The following PTPRJ variants were observed in gnomAD, a reference collection of about 807,000 sequenced individuals.
PTPRJ encodes receptor-type tyrosine-protein phosphatase eta.
Under a neutral mutation model 141.3 loss-of-function variants are expected in PTPRJ, and 129 were observed. The ratio of observed to expected loss-of-function variants is 0.91; its 90% confidence interval spans 0.79 to 1.06. PTPRJ has a LOEUF of 1.06. Among genes scored for constraint, PTPRJ ranks in the 50% least tolerant of loss-of-function variants. PTPRJ has a pLI of 0.00. For synonymous variants in PTPRJ, 610 were observed against 640.5 expected (o/e 0.95, Z 0.72); for missense variants, 1,601 against 1,679.7 (o/e 0.95, Z 0.82).
At chr11:48,025,372 A>G (rs1853779506) in intron 1 of PTPRJ, among the ~76,000 whole-genome samples, 1 of 152,134 alleles carries the variant, frequency 6.6e-6, no homozygotes, top group Non-Finnish European at 1.5e-5. Context: ...GATGTCCCCT[A>G]ATTTTTAAAA....
intron 1 of PTPRJ, among the ~76,000 whole-genome samples, chr11:48,013,377 C>A (rs886366517): frequency 2.6e-5 from 4 of 152,146 alleles, no homozygotes; most frequent in African/African-American, 9.7e-5. Flanking sequence ...TCTATCAGAA[C>A]CCAGTTCCTG....
intron 1 of PTPRJ, among the ~76,000 whole-genome samples, chr11:47,987,200 C>T (rs921221300): frequency 6.6e-6 from 1 of 151,606 alleles, no homozygotes; most frequent in African/African-American, 2.4e-5. Context: ...CAGAGTGAGA[C>T]CCTGTCTCAA....
intron 1 of PTPRJ, among the ~76,000 whole-genome samples, chr11:48,038,732 C>T (rs1327999446): frequency 6.6e-6 from 1 of 151,244 alleles, no homozygotes; most frequent in East Asian, 2.0e-4. Flanking sequence ...CCTCGTGATC[C>T]ACCCACCTTG....
chr11:48,139,624 A>G lies in PTPRJ; in HGVS notation c.2291A>G (p.His764Arg). The G allele has an allele frequency of 1.2e-6, 2 of 1,614,242 alleles. No homozygotes were observed. The highest frequency in any genetic ancestry group is 1.7e-6 in the Non-Finnish European group (2 of 1,180,038). ...AGTGGAGCCTGGAACAATGCGACCC[A>G]CCTGGAGAGCTGCTCCTCTGAGAAT... ...VSSGAWNNAT[H>R]LESCSSENGT... is the part of the protein sequence containing the mutation. Residue 764 changes from histidine to arginine, a missense_variant, in exon 11 of 25, where the codon CAC becomes CGC. Transcript: ENST00000418331.
intron 14 of PTPRJ, among the ~76,000 whole-genome samples, chr11:48,146,606 C>G (rs1469526851): frequency 1.2e-4 from 18 of 152,146 alleles, no homozygotes; most frequent in Admixed American, 3.9e-4. Flanking sequence ...AGGAGACAGA[C>G]CTGGAGAGGA....
intron 1 of PTPRJ, among the ~76,000 whole-genome samples, chr11:48,021,380 T>TAAATAAATAAATAAATAAATAAATA (rs1565261524): frequency 1.1e-4 from 5 of 44,814 alleles, no homozygotes; most frequent in Non-Finnish European, 3.2e-4. Flanking sequence ...GTCCCTAAAA[T>TAAATAAATAAATAAATAAATAAATA]AAATAAATAA....
In PTPRJ at chr11:48,112,779, A is replaced by C. The variant is rs1271535091; in HGVS notation, c.148A>C (p.Thr50Pro). The C allele has an allele frequency of 1.3e-5, 21 of 1,614,012 alleles. No individual in the cohort carries two copies. Among genetic ancestry groups the C allele is most frequent in the Non-Finnish European group, 1.8e-5 (21 of 1,179,972 alleles). The change falls in exon 3 of 25, where the codon ACT (threonine) becomes CCT (proline). Residue 50 changes from threonine (T) to proline (P), a missense_variant. Physicochemically the swap from Thr to Pro is conservative, Grantham distance 38. Coordinates refer to ENST00000418331, the MANE Select transcript of PTPRJ (RefSeq NM_002843.4). The stretch of plus-strand genomic sequence containing the variant: ...TCCAATTCCTGACCCTTCAGTAGCA[A>C]CTGTTGCCACAGGGGAAAATGGCAT... ...PSPIPDPSVATVATGENGITQ... is the reference protein window; with the variant it reads ...PSPIPDPSVAPVATGENGITQ...
intron 1 of PTPRJ, among the ~76,000 whole-genome samples, chr11:47,982,988 A>G (rs1853952082): frequency 6.6e-6 from 1 of 152,076 alleles, no homozygotes; most frequent in African/African-American, 2.4e-5. Flanking sequence ...TCATTTTGAT[A>G]ATGGATATTT....
chr11:48,079,732 T>C (rs1590475961), intron 1 of PTPRJ, among the ~76,000 whole-genome samples: 1 of 152,266 alleles, frequency 6.6e-6, no homozygotes, highest in East Asian at 1.9e-4. Context: ...GCTCTTTGTT[T>C]CTGGCTGTGT....
chr11:48,043,737 T>G (rs1462042036), intron 1 of PTPRJ, among the ~76,000 whole-genome samples: 2 of 152,066 alleles, frequency 1.3e-5, no homozygotes, highest in African/African-American at 4.8e-5. Context: ...GAGGGGTCTG[T>G]GGGGTGGGGG....
At chr11:48,047,498 A>ATTTTTTTTTTTTTTTTTTTTTTT (rs58387057) in intron 1 of PTPRJ, among the ~76,000 whole-genome samples, 1 of 146,614 alleles carries the variant, frequency 6.8e-6, no homozygotes, top group African/African-American at 2.5e-5. Flanking sequence ...ACCTATGGTA[A>ATTTTTTTTTTTTTTTTTTTTTTT]TTTTTTTTTT....
chr11:47,985,855 C>G (rs951270538), intron 1 of PTPRJ, among the ~76,000 whole-genome samples: 7 of 152,158 alleles, frequency 4.6e-5, no homozygotes, highest in African/African-American at 1.7e-4. Flanking sequence ...CGTGCGCTAC[C>G]ATGCGCAGCT....
At chr11:48,122,474 C>T (rs1037053859) in intron 4 of PTPRJ, among the ~76,000 whole-genome samples, 15 of 152,310 alleles carry the variant, frequency 9.8e-5, no homozygotes, top group South Asian at 2.1e-4. Flanking sequence ...GCACATGTGC[C>T]TCTCTGTCCT....
intron 21 of PTPRJ, among the ~76,000 whole-genome samples, chr11:48,157,695 A>G (rs1170199639): frequency 2.0e-5 from 3 of 152,178 alleles, no homozygotes; most frequent in Admixed American, 2.0e-4. Flanking sequence ...AGCCCCTGGT[A>G]TATGTAAGAT....
chr11:47,989,350 TCCA>T (rs1426854072), intron 1 of PTPRJ, among the ~76,000 whole-genome samples: 2 of 151,616 alleles, frequency 1.3e-5, no homozygotes, highest in African/African-American at 2.4e-5. Flanking sequence ...CACTGCAACC[TCCA>T]CCTCCCAGGT....
At chr11:48,047,259 A>C (rs994337653) in intron 1 of PTPRJ, among the ~76,000 whole-genome samples, 2 of 152,008 alleles carry the variant, frequency 1.3e-5, no homozygotes, top group Non-Finnish European at 2.9e-5. Flanking sequence ...AAGAATTATC[A>C]ATCCTTTTGT....
intron 18 of PTPRJ, among the ~76,000 whole-genome samples, chr11:48,153,468 G>T (rs536203597): frequency 3.6e-5 from 5 of 139,988 alleles, no homozygotes; most frequent in Non-Finnish European, 7.6e-5. Flanking sequence ...ACTCCAGCCT[G>T]GGCGACAGAG....
intron 1 of PTPRJ, among the ~76,000 whole-genome samples, chr11:48,085,891 G>A (rs1855692609): frequency 6.6e-6 from 1 of 152,150 alleles, no homozygotes; most frequent in African/African-American, 2.4e-5. Flanking sequence ...TTCCAGCTGC[G>A]GCGGGGCTTT....
chr11:48,155,195 A>G (rs760273257), intron 19 of PTPRJ, among the ~76,000 whole-genome samples: 1 of 152,130 alleles, frequency 6.6e-6, no homozygotes, highest in African/African-American at 2.4e-5. Context: ...TTATACATTC[A>G]ATTTATACTT....
Sources: allele counts gnomAD v4.1 joint callset (sites outside exome capture counted in the v4.1 genomes callset), GRCh38; gene constraint gnomAD v4.1.1; transcripts MANE v1.5; gene names NCBI Gene and HGNC (gene_info 2026-07-23, HGNC 2026-07-21).